The following GALM variants were observed in gnomAD, a reference collection of about 807,000 sequenced individuals.
The protein encoded by GALM is galactose mutarotase, also known as aldose 1-epimerase.
Under a neutral mutation model 37.4 loss-of-function variants are expected in GALM, and 43 were observed. The observed-to-expected ratio is 1.15, with a 90% CI of 0.90 to 1.48. The LOEUF is 1.48. Among genes scored for constraint, GALM ranks in the 40% most tolerant of loss-of-function variants. The pLI is 0.00. For synonymous variants in GALM, 199 were observed against 170.6 expected (o/e 1.17, Z -1.30); for missense variants, 456 against 419.1 (o/e 1.09, Z -0.77).
At chr2:38,672,866 T>C (rs12712611) in intron 1 of GALM, among the ~76,000 whole-genome samples, 39,166 of 151,134 alleles carry the variant, frequency 0.26, 5,768 homozygotes, top group East Asian at 0.55. Context: ...AAAATTTAGC[T>C]GGGCTTGGTG....
chr2:38,691,156 A>C (rs1187462987), intron 4 of GALM, among the ~76,000 whole-genome samples: 1 of 152,256 alleles, frequency 6.6e-6, no homozygotes, highest in Non-Finnish European at 1.5e-5. Context: ...ATAAGGAAGA[A>C]AGTGAATCAA....
At chr2:38,714,196 C>T (rs1433058893) in intron 4 of GALM, among the ~76,000 whole-genome samples, 2 of 151,764 alleles carry the variant, frequency 1.3e-5, no homozygotes, top group Non-Finnish European at 2.9e-5. Flanking sequence ...CATTTAACTA[C>T]TTTGGGGTTT....
chr2:38,733,393 A>G (rs1457719902), intron 6 of GALM, 95 bp from the exon 7 acceptor site: 1 of 961,130 alleles, frequency 1.0e-6, no homozygotes, highest in African/African-American at 1.6e-5. Flanking sequence ...CCATCCACAG[A>G]GCACTGGTCT....
At chr2:38,703,616 G>C (rs1472826194) in intron 4 of GALM, among the ~76,000 whole-genome samples, 1 of 152,124 alleles carries the variant, frequency 6.6e-6, no homozygotes, top group Non-Finnish European at 1.5e-5. Context: ...CTGATTCAAA[G>C]ACCGCACAGA....
chr2:38,693,785 G>C (rs1035774059), intron 4 of GALM, among the ~76,000 whole-genome samples: 3 of 152,200 alleles, frequency 2.0e-5, no homozygotes. Context: ...GGATGACCCA[G>C]TTAACAAGTT....
chr2:38,707,105 G>A (rs1666049038), intron 4 of GALM, among the ~76,000 whole-genome samples: 1 of 150,834 alleles, frequency 6.6e-6, no homozygotes, highest in Non-Finnish European at 1.5e-5. Context: ...GGGGAGGAGG[G>A]GGAGCTGGCA....
chr2:38,679,241 C>G (rs1453725164), intron 2 of GALM, among the ~76,000 whole-genome samples: 1 of 152,190 alleles, frequency 6.6e-6, no homozygotes, highest in Non-Finnish European at 1.5e-5. Flanking sequence ...CCCGCCTTGG[C>G]CTCCCAAAGT....
intron 1 of GALM, among the ~76,000 whole-genome samples, chr2:38,667,063 G>A (rs1402714469): frequency 6.6e-6 from 1 of 152,178 alleles, no homozygotes; most frequent in African/African-American, 2.4e-5. Flanking sequence ...TTGCGGTTTG[G>A]CTGGGGAGAT....
chr2:38,702,327 A>C (rs1472799313), intron 4 of GALM, among the ~76,000 whole-genome samples: 12 of 152,264 alleles, frequency 7.9e-5, no homozygotes, highest in Non-Finnish European at 1.8e-4. Context: ...TTCACTGATC[A>C]AAAAAATAAA....
Position 38,723,410 on chromosome 2 carries a change from C to A in GALM, c.635-6146C>A, listed in dbSNP as rs544806227. Among the ~76,000 whole-genome samples, 6 of 152,348 alleles carry A rather than the reference C, an allele frequency of 3.9e-5. No homozygotes were observed. In the South Asian group the frequency reaches 1.0e-3, roughly 26 times the overall value. ...ACTAGTTTCACCTGCTGCTGTCACT[C>A]ACGAGTCAGAGCCTGCCAGCTCCCA... On this transcript the variant is annotated intron_variant, in intron 4 of 6. Coordinates refer to ENST00000272252, the MANE Select transcript of GALM (RefSeq NM_138801.3).
At chr2:38,697,763 G>C (rs1383962358) in intron 4 of GALM, among the ~76,000 whole-genome samples, 1 of 152,108 alleles carries the variant, frequency 6.6e-6, no homozygotes, top group Non-Finnish European at 1.5e-5. Flanking sequence ...CACCTAGAAA[G>C]AAAAGAGATA....
At chr2:38,712,579 A>G (rs1389587873) in intron 4 of GALM, among the ~76,000 whole-genome samples, 2 of 152,170 alleles carry the variant, frequency 1.3e-5, no homozygotes, top group Middle Eastern at 3.2e-3. Context: ...CACACATCCC[A>G]GAGGCGATAA....
At chr2:38,680,345 A>C (rs1665367195) in intron 2 of GALM, among the ~76,000 whole-genome samples, 1 of 152,076 alleles carries the variant, frequency 6.6e-6, no homozygotes, top group Non-Finnish European at 1.5e-5. Flanking sequence ...TTAAAAATAA[A>C]CTCTTCTTCA....
At chr2:38,714,276 G>A (rs571894611) in intron 4 of GALM, among the ~76,000 whole-genome samples, 4 of 152,174 alleles carry the variant, frequency 2.6e-5, no homozygotes, top group Middle Eastern at 3.4e-3. Context: ...GTGCAGTGGT[G>A]TGATCTCGGC....
At chr2:38,691,095 T>C (rs1036210523) in intron 4 of GALM, among the ~76,000 whole-genome samples, 3 of 152,214 alleles carry the variant, frequency 2.0e-5, no homozygotes, top group African/African-American at 7.2e-5. Context: ...AGTAGAACTA[T>C]ATGTTGTGAA....
At chr2:38,709,359 A>T (rs1328825230) in intron 4 of GALM, among the ~76,000 whole-genome samples, 6 of 152,268 alleles carry the variant, frequency 3.9e-5, no homozygotes, top group African/African-American at 9.6e-5. Context: ...ATCCTGATGG[A>T]TCTAAGATGA....
intron 4 of GALM, among the ~76,000 whole-genome samples, chr2:38,729,301 C>CCTCA (rs1260265632): frequency 6.6e-6 from 1 of 152,154 alleles, no homozygotes; most frequent in Non-Finnish European, 1.5e-5. Context: ...AATCCTCCTG[C>CCTCA]CTCAGCCTCC....
At chr2:38,726,327 C>T (rs796223547) in intron 4 of GALM, among the ~76,000 whole-genome samples, 11 of 149,826 alleles carry the variant, frequency 7.3e-5, no homozygotes, top group African/African-American at 2.7e-4. Flanking sequence ...CCCGGGTTCA[C>T]GCCATTCTCC....
intron 4 of GALM, among the ~76,000 whole-genome samples, chr2:38,703,279 G>A (rs577056928): frequency 6.7e-6 from 1 of 149,324 alleles, no homozygotes; most frequent in South Asian, 2.2e-4. Context: ...GGCTAATTTT[G>A]TATTTTTAGT....
Sources: allele counts gnomAD v4.1 joint callset (sites outside exome capture counted in the v4.1 genomes callset), GRCh38; gene constraint gnomAD v4.1.1; transcripts MANE v1.5; gene names NCBI Gene and HGNC (gene_info 2026-07-23, HGNC 2026-07-21).